The following TASP1 variants were observed in gnomAD, a reference collection of about 807,000 sequenced individuals.
TASP1 encodes the protein threonine aspartase 1.
Under a neutral mutation model 56.6 loss-of-function variants are expected in TASP1, and 16 were observed. The ratio of observed to expected loss-of-function variants is 0.28; its 90% CI spans 0.19 to 0.43. TASP1 has a LOEUF of 0.43. Ranked by LOEUF, TASP1 falls within the 20% of genes least tolerant of loss-of-function variation. The probability of loss-of-function intolerance (pLI) is 1.00; values close to 1 mark genes in which losing one functional copy is unlikely to be tolerated. For missense variants in TASP1, 393 were observed against 511.6 expected (o/e 0.77, Z 2.24); for synonymous variants, 179 against 184.2 (o/e 0.97, Z 0.23).
chr20:13,153,936 G>A, the TASP1 span: 1 of 1,585,012 alleles, frequency 6.3e-7, no homozygotes, highest in Non-Finnish European at 8.6e-7. Context: ...TGCTTGCCAA[G>A]TTGACCGGAC....
At chr20:13,510,064 A>T (rs2044271246) in intron 10 of TASP1, among the ~76,000 whole-genome samples, 1 of 152,086 alleles carries the variant, frequency 6.6e-6, no homozygotes, top group Non-Finnish European at 1.5e-5. Flanking sequence ...CTTTACGTGT[A>T]CCCCTGAACC....
At chr20:13,590,727 A>C (rs561271631) in intron 4 of TASP1, among the ~76,000 whole-genome samples, 1 of 151,976 alleles carries the variant, frequency 6.6e-6, no homozygotes, top group African/African-American at 2.4e-5. Context: ...TTAGCTGGGC[A>C]TGGTGGTGCT....
chr20:13,489,664 G>A (rs889540136), intron 10 of TASP1, among the ~76,000 whole-genome samples: 2 of 152,142 alleles, frequency 1.3e-5, no homozygotes, highest in Non-Finnish European at 1.5e-5. Context: ...TCTGTTACAC[G>A]AGGTTTTCTA....
chr20:13,333,644 T>C, the TASP1 span, among the ~76,000 whole-genome samples: 2 of 152,246 alleles, frequency 1.3e-5, no homozygotes, highest in African/African-American at 4.8e-5. Flanking sequence ...AATGGGGTTG[T>C]TGTTCATGTG....
chr20:13,399,884 AC>A (rs1442147991), intron 13 of TASP1, among the ~76,000 whole-genome samples: 1 of 152,088 alleles, frequency 6.6e-6, no homozygotes, highest in Non-Finnish European at 1.5e-5. Flanking sequence ...CGGCCTTCTC[AC>A]TGTCCCTCCA....
chr20:13,279,839 G>A, the TASP1 span: 1 of 1,613,960 alleles, frequency 6.2e-7, no homozygotes, highest in Non-Finnish European at 8.5e-7. Context: ...CCCCCCAGGG[G>A]GTGGGACCAT....
the TASP1 span, among the ~76,000 whole-genome samples, chr20:13,287,488 C>A: frequency 1.3e-5 from 2 of 152,282 alleles, no homozygotes; most frequent in East Asian, 3.9e-4. Context: ...TAGGGTACCA[C>A]CCTCTCCCAC....
At chr20:13,451,173 T>A (rs2043602653) in intron 11 of TASP1, among the ~76,000 whole-genome samples, 1 of 152,122 alleles carries the variant, frequency 6.6e-6, no homozygotes, top group South Asian at 2.1e-4. Flanking sequence ...TGTGCTGTCA[T>A]CTAGACTTTG....
At chr20:13,337,189 T>G in the TASP1 span, among the ~76,000 whole-genome samples, 1 of 152,080 alleles carries the variant, frequency 6.6e-6, no homozygotes, top group Non-Finnish European at 1.5e-5. Flanking sequence ...TCTGGGGAAT[T>G]TTAAGAGGAA....
chr20:13,398,440 G>T (rs1304192779), intron 13 of TASP1, among the ~76,000 whole-genome samples: 1 of 151,802 alleles, frequency 6.6e-6, no homozygotes, highest in African/African-American at 2.4e-5. Context: ...GCTCCACCTT[G>T]TTCTACCCTT....
chr20:13,506,025 G>T (rs745664824), intron 10 of TASP1, among the ~76,000 whole-genome samples: 3 of 151,520 alleles, frequency 2.0e-5, no homozygotes, highest in African/African-American at 4.8e-5. Context: ...AAGAATAAAA[G>T]AAAAAAGACT....
At chr20:13,264,008 G>A in the TASP1 span, among the ~76,000 whole-genome samples, 1 of 152,102 alleles carries the variant, frequency 6.6e-6, no homozygotes, top group Non-Finnish European at 1.5e-5. Context: ...CACATTAGGG[G>A]TAATGAGGCC....
chr20:13,522,571 C>T (rs957651251), intron 10 of TASP1, among the ~76,000 whole-genome samples: 2 of 152,060 alleles, frequency 1.3e-5, no homozygotes, highest in Non-Finnish European at 2.9e-5. Context: ...CAAGAGAACA[C>T]GTTTAGGGTT....
the TASP1 span, among the ~76,000 whole-genome samples, chr20:13,143,424 A>C: frequency 2.0e-5 from 3 of 152,266 alleles, no homozygotes; most frequent in Non-Finnish European, 2.9e-5. Context: ...TCCTCATAAC[A>C]GTATGCAGTG....
chr20:13,463,071 T>C (rs1016743577), intron 11 of TASP1, among the ~76,000 whole-genome samples: 1 of 151,924 alleles, frequency 6.6e-6, no homozygotes, highest in Non-Finnish European at 1.5e-5. Flanking sequence ...AAAACTATCC[T>C]AAAAAAGAAC....
At chr20:13,461,925 A>C (rs1005264473) in intron 11 of TASP1, among the ~76,000 whole-genome samples, 10 of 152,148 alleles carry the variant, frequency 6.6e-5, no homozygotes, top group African/African-American at 2.2e-4. Context: ...CATCGAAAAG[A>C]AGCCCCATTT....
At chr20:13,431,477 T>C (rs2042803095) in intron 12 of TASP1, among the ~76,000 whole-genome samples, 1 of 152,202 alleles carries the variant, frequency 6.6e-6, no homozygotes, top group Non-Finnish European at 1.5e-5. Flanking sequence ...ATCTTGATGC[T>C]GTTAATGCTG....
At chr20:13,516,067 C>T (rs775576845) in intron 10 of TASP1, among the ~76,000 whole-genome samples, 9 of 152,090 alleles carry the variant, frequency 5.9e-5, no homozygotes, top group Non-Finnish European at 1.0e-4. Context: ...TACTGTTCAG[C>T]TAAATTTAAT....
rs550200953 is a variant in TASP1, at chr20:13,432,287, G to T, written c.1096+2757C>A. Among the ~76,000 whole-genome samples, 6 of 152,318 alleles carry T rather than the reference G, an allele frequency of 3.9e-5. No individual in the cohort carries two copies. The South Asian group carries it at 1.2e-3, about 32-fold the overall frequency. On this transcript the variant is annotated intron_variant, in intron 12 of 13. Coordinates refer to ENST00000337743, the MANE Select transcript of TASP1 (RefSeq NM_017714.3). The stretch of plus-strand genomic sequence containing the variant: ...GTTTTTAACTTTTTCACAGCAAGGG[G>T]TCACAAGTTACTGACTAATCAAGAA...
Sources: gnomAD v4.1 joint callset for allele counts (sites outside exome capture counted in the v4.1 genomes callset) on GRCh38, gnomAD v4.1.1 for gene constraint, MANE v1.5 for transcripts, NCBI Gene and HGNC (gene_info 2026-07-23, HGNC 2026-07-21) for gene names.